Variants in TENM3 observed in about 807,000 individuals in gnomAD.
The protein encoded by TENM3 is teneurin-3.
Under a neutral mutation model 255.1 loss-of-function variants are expected in TENM3, and 63 were observed. The observed-to-expected ratio is 0.25, with a 90% confidence interval of 0.20 to 0.30. The LOEUF (loss-of-function observed/expected upper bound fraction) is 0.30, where lower values mean the gene tolerates loss of function less well. TENM3 is among the 10% of genes least tolerant of loss of function. The probability of loss-of-function intolerance (pLI) is 1.00; values close to 1 mark genes in which losing one functional copy is unlikely to be tolerated. For missense variants in TENM3, 2,929 were observed against 3,461.1 expected (o/e 0.85, Z 3.86); for synonymous variants, 1,306 against 1,322.3 (o/e 0.99, Z 0.27).
chr4:181,493,465 T>C, the TENM3 span, among the ~76,000 whole-genome samples: 1 of 152,132 alleles, frequency 6.6e-6, no homozygotes, highest in Non-Finnish European at 1.5e-5. Flanking sequence ...GCGTGGTGGC[T>C]CAAACCTGTA....
the TENM3 span, among the ~76,000 whole-genome samples, chr4:182,029,611 T>C: frequency 1.3e-5 from 2 of 152,196 alleles, no homozygotes; most frequent in Non-Finnish European, 2.9e-5. Context: ...TTATACTTTT[T>C]GTCTTGAAAT....
At chr4:181,930,962 A>G in the TENM3 span, among the ~76,000 whole-genome samples, 1 of 152,224 alleles carries the variant, frequency 6.6e-6, no homozygotes, top group Non-Finnish European at 1.5e-5. Context: ...ATAAAATTCA[A>G]CACCTCTTCA....
the TENM3 span, among the ~76,000 whole-genome samples, chr4:182,006,195 T>C: frequency 6.6e-6 from 1 of 152,210 alleles, no homozygotes; most frequent in Non-Finnish European, 1.5e-5. Flanking sequence ...TAATATTGGC[T>C]GTGAGTTTGT....
intron 1 of TENM3, among the ~76,000 whole-genome samples, chr4:182,314,836 C>T (rs748976584): frequency 3.3e-5 from 5 of 152,084 alleles, no homozygotes; most frequent in African/African-American, 7.2e-5. Context: ...CCATATTTTC[C>T]GTGTTCAACT....
At chr4:182,029,823 A>T in the TENM3 span, among the ~76,000 whole-genome samples, 11 of 152,308 alleles carry the variant, frequency 7.2e-5, no homozygotes, top group Admixed American at 2.0e-4. Flanking sequence ...TTAGTATCAA[A>T]CTAACAAAAC....
At chr4:182,527,179 G>C (rs1739287803) in intron 3 of TENM3, among the ~76,000 whole-genome samples, 1 of 152,048 alleles carries the variant, frequency 6.6e-6, no homozygotes, top group Non-Finnish European at 1.5e-5. Context: ...TAAAAAGTTA[G>C]GCAACAGCTT....
the TENM3 span, among the ~76,000 whole-genome samples, chr4:181,691,698 T>C: frequency 2.0e-5 from 3 of 152,174 alleles, no homozygotes; most frequent in African/African-American, 7.2e-5. Context: ...GATCAACCAA[T>C]ACATTCTTAA....
In TENM3 at chr4:182,482,522, G is replaced by T. The variant is rs563928639; in HGVS notation, c.512-118402G>T. Among the ~76,000 whole-genome samples, 4 of 152,184 alleles carry T rather than the reference G, an allele frequency of 2.6e-5. No homozygotes were observed. The South Asian group carries it at 8.3e-4, about 32-fold the overall frequency. On this transcript the variant is annotated intron_variant, in intron 3 of 27. Coordinates refer to ENST00000511685, the MANE Select transcript of TENM3 (RefSeq NM_001080477.4). ...AATATATCAATATGATTAAATTTTG[G>T]CATTGCAGAACAGAATCTTCACTGC... is the stretch of plus-strand genomic sequence containing the variant.
At chr4:181,969,795 T>C in the TENM3 span, among the ~76,000 whole-genome samples, 2 of 152,352 alleles carry the variant, frequency 1.3e-5, no homozygotes, top group Non-Finnish European at 1.5e-5. Context: ...TTTCTCATTT[T>C]GCAGAAATCT....
intron 1 of TENM3, among the ~76,000 whole-genome samples, chr4:182,310,660 G>T (rs928298179): frequency 7.2e-6 from 1 of 139,454 alleles, no homozygotes; most frequent in Non-Finnish European, 1.6e-5. Flanking sequence ...GTCTCCATGT[G>T]GGGGAAGGGT....
intron 3 of TENM3, among the ~76,000 whole-genome samples, chr4:182,412,027 AG>A (rs1228855900): frequency 6.6e-6 from 1 of 152,206 alleles, no homozygotes; most frequent in Non-Finnish European, 1.5e-5. Context: ...GAGGGCTAAC[AG>A]TACCTGATCC....
the TENM3 span, among the ~76,000 whole-genome samples, chr4:181,979,095 GACATATATATATATATATATATAT>G: frequency 9.4e-4 from 68 of 72,164 alleles, no homozygotes; most frequent in African/African-American, 3.7e-3. Flanking sequence ...CATTAAGCCT[GACATATATATATATATATATATAT>G]ATATATATAT....
chr4:181,610,571 ACAATT>A, the TENM3 span, among the ~76,000 whole-genome samples: 3 of 152,220 alleles, frequency 2.0e-5, no homozygotes, highest in African/African-American at 7.2e-5. Flanking sequence ...AAGTACAGAG[ACAATT>A]CATTTCTGCA....
the TENM3 span, among the ~76,000 whole-genome samples, chr4:181,849,949 T>TCTCTCTCTCTCTCTCACACACACA: frequency 7.3e-4 from 48 of 65,960 alleles, 1 homozygote; most frequent in Non-Finnish European, 8.9e-4. Flanking sequence ...TCTCTCTCTC[T>TCTCTCTCTCTCTCTCACACACACA]CACACACACA....
intron 3 of TENM3, among the ~76,000 whole-genome samples, chr4:182,386,645 C>T (rs916078197): frequency 2.6e-5 from 4 of 152,070 alleles, no homozygotes; most frequent in Admixed American, 6.5e-5. Flanking sequence ...TGGCGGGCCC[C>T]GCACTCGGAG....
intron 1 of TENM3, among the ~76,000 whole-genome samples, chr4:182,189,539 A>G (rs1449622598): frequency 2.0e-5 from 3 of 152,174 alleles, no homozygotes; most frequent in Admixed American, 6.6e-5. Context: ...CCTTGAGACA[A>G]GAAGACTGAT....
chr4:182,244,745 G>T lies in TENM3; in HGVS notation c.-76+1269G>T, dbSNP rs147162164. 7.2e-5 allele frequency among the ~76,000 whole-genome samples: 11 copies of T among 152,300 alleles called. No individual in the cohort carries two copies. The East Asian group carries it at 7.7e-4, about 11-fold the overall frequency. ...CATATGGAAAGAAAAACCAAGTTTT[G>T]TGTAGCCTAATAGATAGCTGTTTAG... On this transcript the variant is annotated intron_variant, in intron 1 of 27. Coordinates refer to ENST00000511685, the MANE Select transcript of TENM3 (RefSeq NM_001080477.4).
chr4:182,422,859 T>C (rs1024007879), intron 3 of TENM3, among the ~76,000 whole-genome samples: 8 of 152,182 alleles, frequency 5.3e-5, no homozygotes, highest in African/African-American at 1.9e-4. Flanking sequence ...GAAATAGGTT[T>C]TATTATTGTT....
At chr4:182,501,603 C>A (rs1337192286) in intron 3 of TENM3, among the ~76,000 whole-genome samples, 3 of 152,072 alleles carry the variant, frequency 2.0e-5, no homozygotes, top group Non-Finnish European at 2.9e-5. Flanking sequence ...TATCCAGAAG[C>A]AACTACTCAG....
Sources: allele counts gnomAD v4.1 joint callset (sites outside exome capture counted in the v4.1 genomes callset), GRCh38; gene constraint gnomAD v4.1.1; transcripts MANE v1.5; gene names NCBI Gene and HGNC (gene_info 2026-07-23, HGNC 2026-07-21).